SFTPD: variants seen among roughly 807,000 people sequenced by gnomAD.
SFTPD encodes surfactant protein D, also known as pulmonary surfactant-associated protein D.
A neutral mutation model predicts 34.6 loss-of-function variants in SFTPD; 18 were observed. The observed-to-expected ratio is 0.52, with a 90% CI of 0.36 to 0.77. SFTPD has a LOEUF of 0.77. SFTPD is among the 30% of genes least tolerant of loss of function. The pLI is 0.00. For synonymous variants in SFTPD, 155 were observed against 180.9 expected (o/e 0.86, Z 1.15); for missense variants, 433 against 468.9 (o/e 0.92, Z 0.71).
intron 1 of SFTPD, among the ~76,000 whole-genome samples, chr10:79,961,186 A>G (rs1589340514): frequency 6.6e-6 from 1 of 152,330 alleles, no homozygotes; most frequent in Non-Finnish European, 1.5e-5. Context: ...CTAAAACCAT[A>G]AAAACCCTAG....
intron 7 of SFTPD, among the ~76,000 whole-genome samples, chr10:79,940,354 T>C (rs1419486042): frequency 1.3e-5 from 2 of 152,176 alleles, no homozygotes; most frequent in Admixed American, 1.3e-4. Flanking sequence ...ACAGGTGGCA[T>C]TGAGGTTGGT....
chr10:79,939,974 T>C (rs943381939), intron 7 of SFTPD, among the ~76,000 whole-genome samples: 10 of 148,786 alleles, frequency 6.7e-5, no homozygotes, highest in African/African-American at 2.5e-4. Flanking sequence ...AAAGTCTGCT[T>C]TAAAATACCT....
chr10:79,961,645 C>G (rs1249115879), intron 1 of SFTPD, among the ~76,000 whole-genome samples: 1 of 152,182 alleles, frequency 6.6e-6, no homozygotes, highest in Non-Finnish European at 1.5e-5. Flanking sequence ...CAGGAAACAA[C>G]AGGTGCTGGA....
Position 79,941,495 on chromosome 10 carries a change from AC to A in SFTPD, c.569del (p.Gly190ValfsTer14). On this transcript the variant is annotated frameshift_variant, in exon 6 of 8. Transcript: ENST00000372292. LOFTEE classifies it high-confidence loss of function. Reference protein sequence around the residue: ...TGAAGSAGAMGPQGSPGARGP... With the variant: ...TGAAGSAGAMXPQGSPGARGP... ...CCCTGGCACCTGGACTTCCCTGGGG[AC>A]CCATGGCTCCAGCAGACCCTGGGGT... The A allele has an allele frequency of 6.2e-7, 1 of 1,608,598 alleles. No individual in the cohort carries two copies. The highest frequency in any genetic ancestry group is 8.5e-7 in the Non-Finnish European group (1 of 1,177,736).
intron 1 of SFTPD, among the ~76,000 whole-genome samples, chr10:79,954,167 TTTG>T (rs1842726616): frequency 9.0e-6 from 1 of 111,718 alleles, no homozygotes; most frequent in African/African-American, 3.5e-5. Context: ...TGTGGTTTGG[TTTG>T]GTTCATTTCT....
At chr10:79,948,375 A>G (rs1264023549) in intron 1 of SFTPD, among the ~76,000 whole-genome samples, 1 of 152,224 alleles carries the variant, frequency 6.6e-6, no homozygotes, top group African/African-American at 2.4e-5. Flanking sequence ...TGTGGCTTGA[A>G]GGACACTTGG....
At chr10:79,981,390 G>GTTTATT (rs1842889033) in intron 1 of SFTPD, among the ~76,000 whole-genome samples, 1 of 152,228 alleles carries the variant, frequency 6.6e-6, no homozygotes, top group Non-Finnish European at 1.5e-5. Flanking sequence ...AGAGTAAAAA[G>GTTTATT]TTTATTCAAG....
intron 1 of SFTPD, among the ~76,000 whole-genome samples, chr10:79,966,818 C>T (rs1842805413): frequency 6.9e-6 from 1 of 145,976 alleles, no homozygotes; most frequent in African/African-American, 2.6e-5. Flanking sequence ...CCAGTTTTCC[C>T]AGCACCATTT....
chr10:79,972,728 T>C (rs1196704947), intron 1 of SFTPD: 2 of 152,174 alleles, frequency 1.3e-5, no homozygotes. Flanking sequence ...GACCATCACT[T>C]CCTTGGAAGT....
intron 1 of SFTPD, chr10:79,970,471 T>C (rs1392972258): frequency 2.0e-5 from 3 of 152,178 alleles, no homozygotes; most frequent in African/African-American, 7.2e-5. Flanking sequence ...AGTATGGTCA[T>C]TTTAACGGTA....
intron 1 of SFTPD, among the ~76,000 whole-genome samples, chr10:79,976,484 T>C (rs11201000): frequency 0.06 from 9,128 of 152,154 alleles, 601 homozygotes; most frequent in East Asian, 0.39. Context: ...AAAATGGCTG[T>C]TGAAGGAAGT....
intron 2 of SFTPD, among the ~76,000 whole-genome samples, chr10:79,943,941 AAG>A (rs1239724120): frequency 1.3e-5 from 2 of 152,208 alleles, no homozygotes; most frequent in African/African-American, 4.8e-5. Flanking sequence ...CACTCTCCAG[AAG>A]AGAGTGTTAG....
At chr10:79,981,340 A>G (rs1049542917) in intron 1 of SFTPD, among the ~76,000 whole-genome samples, 1 of 152,248 alleles carries the variant, frequency 6.6e-6, no homozygotes, top group Non-Finnish European at 1.5e-5. Flanking sequence ...AAAGGCAAAT[A>G]TAAGTTATTG....
chr10:79,962,513 G>C (rs143092966), intron 1 of SFTPD, among the ~76,000 whole-genome samples: 213 of 151,792 alleles, frequency 1.4e-3, no homozygotes, highest in African/African-American at 4.9e-3. Context: ...CTTATTAATA[G>C]CTTTATAATT....
At chr10:79,974,454 C>T (rs1292719274) in intron 1 of SFTPD, among the ~76,000 whole-genome samples, 2 of 152,000 alleles carry the variant, frequency 1.3e-5, no homozygotes, top group Non-Finnish European at 2.9e-5. Context: ...CAGCCACCCC[C>T]AGATATTTTT....
intron 1 of SFTPD, among the ~76,000 whole-genome samples, chr10:79,965,245 T>G (rs1842796929): frequency 6.6e-6 from 1 of 152,180 alleles, no homozygotes; most frequent in Non-Finnish European, 1.5e-5. Flanking sequence ...TTAATACCTG[T>G]TTTTCTCCTT....
chr10:79,979,298 C>T (rs1354371047), intron 1 of SFTPD, among the ~76,000 whole-genome samples: 2 of 152,178 alleles, frequency 1.3e-5, no homozygotes, highest in African/African-American at 4.8e-5. Context: ...CCATGCCCTG[C>T]AGGAACACCA....
At chr10:79,942,620 G>T in intron 3 of SFTPD, 116 bp from the exon 4 acceptor site, 1 of 909,924 alleles carries the variant, frequency 1.1e-6, no homozygotes, top group Non-Finnish European at 1.8e-6. Context: ...CCTCCCAACA[G>T]CAGGTCCCAT....
At chr10:79,939,261 T>C (rs949333964) in intron 7 of SFTPD, among the ~76,000 whole-genome samples, 2 of 152,238 alleles carry the variant, frequency 1.3e-5, no homozygotes, top group African/African-American at 4.8e-5. Context: ...CAAAGGACAC[T>C]GGAAGCTCCA....
Sources: gnomAD v4.1 joint callset for allele counts (sites outside exome capture counted in the v4.1 genomes callset) on GRCh38, gnomAD v4.1.1 for gene constraint, MANE v1.5 for transcripts, NCBI Gene and HGNC (gene_info 2026-07-23, HGNC 2026-07-21) for gene names.